The following LARP4B variants were observed in gnomAD, a reference collection of about 807,000 sequenced individuals.
LARP4B encodes la-related protein 4B.
Under a neutral mutation model 89.8 loss-of-function variants are expected in LARP4B, and 12 were observed. The ratio of observed to expected loss-of-function variants is 0.13; its 90% confidence interval spans 0.09 to 0.22. The LOEUF is 0.22. Among genes scored for constraint, LARP4B ranks in the 10% least tolerant of loss-of-function variants. LARP4B has a pLI of 1.00. For missense variants in LARP4B, 757 were observed against 947.7 expected (o/e 0.80, Z 2.64); for synonymous variants, 367 against 363.3 (o/e 1.01, Z -0.12).
At chr10:983,949 G>A in the LARP4B span, among the ~76,000 whole-genome samples, 1 of 152,304 alleles carries the variant, frequency 6.6e-6, no homozygotes, top group African/African-American at 2.4e-5. Flanking sequence ...AATAATAGCA[G>A]GAAAGGCACT....
chr10:870,013 G>T, intron 3 of LARP4B: 3 of 979,516 alleles, frequency 3.1e-6, no homozygotes, highest in Non-Finnish European at 3.6e-6. Flanking sequence ...ACATACTTAC[G>T]AACTGTCCGT....
At position 884,247 on chromosome 10, in the gene LARP4B, G is replaced by T. The variant is rs565399237; in HGVS notation, c.141+200C>A. ...GCAGAACTGCACACAAAACAGACAC[G>T]CACAGAAGCTAGAAAGGACATACAG... On this transcript the variant is annotated intron_variant, in intron 3 of 17. Coordinates refer to ENST00000316157, the MANE Select transcript of LARP4B (RefSeq NM_015155.3). 2.6e-5 allele frequency among the ~76,000 whole-genome samples: 4 copies of T among 152,294 alleles called. 1 individual carries two copies. In the South Asian group the frequency reaches 8.3e-4, roughly 32 times the overall value.
intron 5 of LARP4B, among the ~76,000 whole-genome samples, chr10:847,267 G>A (rs547017314): frequency 1.3e-5 from 2 of 152,078 alleles, no homozygotes; most frequent in Non-Finnish European, 1.5e-5. Context: ...AGAAACACCC[G>A]GCACTGCAGA....
intron 1 of LARP4B, among the ~76,000 whole-genome samples, chr10:887,396 C>T (rs1020610816): frequency 6.6e-6 from 1 of 150,858 alleles, no homozygotes; most frequent in African/African-American, 2.4e-5. Context: ...ATGCTATATA[C>T]CTTATGTATA....
At chr10:972,025 CTCTT>C in the LARP4B span, 14,083 of 130,228 alleles carry the variant, frequency 0.11, 793 homozygotes, top group Middle Eastern at 0.16. Flanking sequence ...CTCTCTCTCT[CTCTT>C]TATTTTTTTT....
chr10:904,082 G>A (rs1836419650), intron 1 of LARP4B, among the ~76,000 whole-genome samples: 1 of 152,122 alleles, frequency 6.6e-6, no homozygotes, highest in African/African-American at 2.4e-5. Flanking sequence ...GCACCAACAT[G>A]ACATCACAAG....
chr10:842,649 T>A (rs1217264311), intron 7 of LARP4B, among the ~76,000 whole-genome samples: 1 of 152,232 alleles, frequency 6.6e-6, no homozygotes, highest in Non-Finnish European at 1.5e-5. Context: ...TTTTCATGAA[T>A]GAAACAGCTA....
At chr10:965,244 G>A in the LARP4B span, among the ~76,000 whole-genome samples, 3 of 152,340 alleles carry the variant, frequency 2.0e-5, no homozygotes, top group East Asian at 1.9e-4. Context: ...GGCTGTCGGC[G>A]TCTCCCACGG....
the LARP4B span, among the ~76,000 whole-genome samples, chr10:940,002 C>T: frequency 1.3e-5 from 2 of 150,942 alleles, no homozygotes; most frequent in African/African-American, 2.4e-5. Flanking sequence ...TGTGCCACCA[C>T]GCCCGGCTAA....
chr10:982,055 CT>C, the LARP4B span, among the ~76,000 whole-genome samples: 44 of 144,708 alleles, frequency 3.0e-4, no homozygotes, highest in South Asian at 1.3e-3. Context: ...TGATTAGCTA[CT>C]TTTTTTTTTG....
the LARP4B span, among the ~76,000 whole-genome samples, chr10:967,682 C>T: frequency 2.0e-5 from 3 of 152,300 alleles, no homozygotes; most frequent in South Asian, 2.1e-4. Flanking sequence ...GAGGCAACCC[C>T]GGACTTCAGG....
At position 813,077 on chromosome 10, in the gene LARP4B, G is replaced by A. The variant is rs1007810809; in HGVS notation, c.2066C>T (p.Pro689Leu). ...TGGGGGCTCCCGGTATCTCTCTGCG[G>A]GCTCTGCCAGCTTCTTTTCCTCCTT... ...CGKEEKKLAE[P>L]AERYREPPAL... Residue 689 changes from proline to leucine, a missense_variant, in exon 18 of 18, where the codon CCC becomes CTC. Pro to Leu is a moderately conservative substitution (Grantham distance 98). Around this residue, in one of 5 missense-constraint regions of LARP4B, gnomAD observed 387 missense variants for 423.6 expected, o/e 0.91. Transcript: ENST00000316157. The A allele has an allele frequency of 1.2e-6, 2 of 1,614,046 alleles. No individual in the cohort carries two copies. Among genetic ancestry groups the A allele is most frequent in the Admixed American group, 3.3e-5 (2 of 60,002 alleles).
chr10:809,195 G>A (rs915020975), downstream of LARP4B: 4 of 152,220 alleles, frequency 2.6e-5, no homozygotes, highest in African/African-American at 9.6e-5. Context: ...AAGACCCAAC[G>A]TTAGCTCCAA....
chr10:938,337 G>A, the LARP4B span, among the ~76,000 whole-genome samples: 2 of 147,906 alleles, frequency 1.4e-5, no homozygotes, highest in African/African-American at 2.5e-5. Context: ...TACAAGCTCC[G>A]CCTCCCGGGT....
At chr10:974,172 G>T in the LARP4B span, among the ~76,000 whole-genome samples, 1 of 151,990 alleles carries the variant, frequency 6.6e-6, no homozygotes, top group African/African-American at 2.4e-5. Flanking sequence ...GCAAACACTC[G>T]ATTCAACCTC....
the LARP4B span, among the ~76,000 whole-genome samples, chr10:980,658 C>T: frequency 1.3e-5 from 2 of 152,168 alleles, no homozygotes; most frequent in African/African-American, 2.4e-5. Flanking sequence ...GAAGCAGTGT[C>T]CCAAGGCTGT....
chr10:896,562 ATAC>A (rs987211425), intron 1 of LARP4B, among the ~76,000 whole-genome samples: 9 of 152,348 alleles, frequency 5.9e-5, no homozygotes, highest in East Asian at 1.9e-4. Flanking sequence ...GTTTTGGAAA[ATAC>A]TACTACCTTT....
chr10:923,620 CAAAGAT>C (rs1221784674), intron 1 of LARP4B, among the ~76,000 whole-genome samples: 2 of 151,328 alleles, frequency 1.3e-5, no homozygotes, highest in Non-Finnish European at 2.9e-5. Flanking sequence ...ATGTAATCAA[CAAAGAT>C]AAAAAGAATG....
chr10:911,681 C>A (rs564546022), intron 1 of LARP4B, among the ~76,000 whole-genome samples: 2 of 152,156 alleles, frequency 1.3e-5, no homozygotes, highest in African/African-American at 2.4e-5. Context: ...ACACTCACCC[C>A]CTTCTGGAAG....
Sources: allele counts gnomAD v4.1 joint callset (sites outside exome capture counted in the v4.1 genomes callset), GRCh38; gene constraint gnomAD v4.1.1; regional missense constraint gnomAD v4.1.1; transcripts MANE v1.5; gene names NCBI Gene and HGNC (gene_info 2026-07-23, HGNC 2026-07-21).